The following NRG1 variants were observed in gnomAD, a reference collection of about 807,000 sequenced individuals.
NRG1 encodes the protein neuregulin 1.
In NRG1, 18 loss-of-function variants were observed where a neutral mutation model predicts 63.8. That is an observed-to-expected ratio of 0.28 (90% CI 0.19 to 0.42). The LOEUF (loss-of-function observed/expected upper bound fraction) is 0.42, where lower values mean the gene tolerates loss of function less well. Ranked by LOEUF, NRG1 falls within the 10% of genes least tolerant of loss-of-function variation. NRG1 has a pLI of 1.00. For synonymous variants in NRG1, 302 were observed against 301.3 expected, an observed-to-expected ratio of 1.00 and a Z score of -0.02; for missense variants, 762 against 814.7, an observed-to-expected ratio of 0.94 and a Z score of 0.79.
chr8:32,267,464 A>C (rs1344613410), intron 1 of NRG1, among the ~76,000 whole-genome samples: 1 of 152,198 alleles, frequency 6.6e-6, no homozygotes, highest in African/African-American at 2.4e-5. Context: ...AATACAAAGA[A>C]GAGAATAGTG....
intron 6 of NRG1, among the ~76,000 whole-genome samples, chr8:32,736,047 G>T (rs1824972136): frequency 6.6e-6 from 1 of 151,756 alleles, no homozygotes; most frequent in Non-Finnish European, 1.5e-5. Flanking sequence ...TCTGAACAGT[G>T]GTGGTGAGAT....
At chr8:32,493,328 C>A (rs1212755468) in intron 1 of NRG1, among the ~76,000 whole-genome samples, 1 of 152,138 alleles carries the variant, frequency 6.6e-6, no homozygotes, top group East Asian at 1.9e-4. Flanking sequence ...GCTTAACAGA[C>A]CACTCACTGG....
chr8:32,664,514 G>T (rs1299779778), intron 5 of NRG1, among the ~76,000 whole-genome samples: 1 of 152,026 alleles, frequency 6.6e-6, no homozygotes, highest in African/African-American at 2.4e-5. Context: ...TGCTGATAGC[G>T]AACATTTATT....
At chr8:32,299,162 A>C (rs948950504) in intron 1 of NRG1, among the ~76,000 whole-genome samples, 3 of 152,134 alleles carry the variant, frequency 2.0e-5, no homozygotes, top group African/African-American at 7.2e-5. Context: ...TTTCCTCTTC[A>C]TACAAACTAG....
intron 5 of NRG1, among the ~76,000 whole-genome samples, chr8:32,660,216 G>A (rs1161665770): frequency 6.6e-6 from 1 of 152,152 alleles, no homozygotes; most frequent in East Asian, 1.9e-4. Flanking sequence ...TGGATTTTCA[G>A]TTTGGAGATG....
At chr8:32,121,061 A>C (rs1250958881) in intron 1 of NRG1, among the ~76,000 whole-genome samples, 3 of 151,896 alleles carry the variant, frequency 2.0e-5, no homozygotes, top group Non-Finnish European at 4.4e-5. Flanking sequence ...GAAGGGATGC[A>C]GTGGTTATAA....
chr8:31,739,699 T>C (rs890089671), intron 1 of NRG1, among the ~76,000 whole-genome samples: 2 of 152,126 alleles, frequency 1.3e-5, no homozygotes, highest in Non-Finnish European at 2.9e-5. Flanking sequence ...GTTAATATTG[T>C]GTACTGCTTA....
At chr8:32,178,252 G>T (rs963891458) in intron 1 of NRG1, among the ~76,000 whole-genome samples, 1 of 152,092 alleles carries the variant, frequency 6.6e-6, no homozygotes, top group African/African-American at 2.4e-5. Context: ...TTCTATTTTA[G>T]GTTAAGGAAT....
At chr8:32,341,745 G>T (rs1363857226) in intron 1 of NRG1, among the ~76,000 whole-genome samples, 1 of 152,134 alleles carries the variant, frequency 6.6e-6, no homozygotes, top group Non-Finnish European at 1.5e-5. Context: ...AGCAGATAAA[G>T]CAAAGACAGA....
At chr8:32,495,938 T>C (rs1827154822) in intron 1 of NRG1, among the ~76,000 whole-genome samples, 1 of 152,236 alleles carries the variant, frequency 6.6e-6, no homozygotes. Flanking sequence ...AAATAAGATC[T>C]TCTTGGTGAA....
At chr8:31,957,448 T>TA (rs1804644394) in intron 1 of NRG1, among the ~76,000 whole-genome samples, 1 of 152,176 alleles carries the variant, frequency 6.6e-6, no homozygotes, top group African/African-American at 2.4e-5. Flanking sequence ...TAGTCTGTAA[T>TA]GACCATAAGC....
At chr8:31,847,663 C>T (rs1428181467) in intron 1 of NRG1, among the ~76,000 whole-genome samples, 1 of 152,192 alleles carries the variant, frequency 6.6e-6, no homozygotes, top group East Asian at 1.9e-4. Context: ...CAAAAGACCA[C>T]ATAAATGTTA....
intron 1 of NRG1, among the ~76,000 whole-genome samples, chr8:32,329,007 C>T (rs1362597569): frequency 2.0e-5 from 3 of 149,820 alleles, no homozygotes; most frequent in Non-Finnish European, 4.4e-5. Context: ...CTCACTCTGT[C>T]ACCCAGACTG....
At chr8:31,887,214 G>A (rs187718745) in intron 1 of NRG1, among the ~76,000 whole-genome samples, 7 of 152,042 alleles carry the variant, frequency 4.6e-5, no homozygotes, top group South Asian at 2.1e-4. Context: ...TGGTTTTCCC[G>A]TGATAGAGAC....
intron 1 of NRG1, among the ~76,000 whole-genome samples, chr8:31,781,864 T>G (rs902890540): frequency 6.6e-6 from 1 of 152,038 alleles, no homozygotes; most frequent in Non-Finnish European, 1.5e-5. Context: ...AATACTAAAC[T>G]GCTTTCTGAT....
intron 1 of NRG1, among the ~76,000 whole-genome samples, chr8:32,102,119 TA>T (rs1336723923): frequency 4.8e-4 from 73 of 152,302 alleles, no homozygotes; most frequent in African/African-American, 1.6e-3. Flanking sequence ...AATACACTTT[TA>T]ACAATACAAA....
At chr8:31,901,210 T>G (rs769587930) in intron 1 of NRG1, among the ~76,000 whole-genome samples, 2 of 152,198 alleles carry the variant, frequency 1.3e-5, no homozygotes, top group African/African-American at 4.8e-5. Flanking sequence ...GAGTTCACTA[T>G]GTGGTGATAT....
chr8:32,218,399 G>T (rs1479729451), intron 1 of NRG1, among the ~76,000 whole-genome samples: 2 of 152,120 alleles, frequency 1.3e-5, no homozygotes, highest in East Asian at 3.9e-4. Flanking sequence ...CTCCTACCAC[G>T]TGGCATCACG....
At chr8:32,149,881 A>G (rs1837308325) in intron 1 of NRG1, among the ~76,000 whole-genome samples, 1 of 152,234 alleles carries the variant, frequency 6.6e-6, no homozygotes, top group Non-Finnish European at 1.5e-5. Flanking sequence ...CTTTAGAAAC[A>G]TAAAATTCAA....
Sources: gnomAD v4.1 joint callset for allele counts (sites outside exome capture counted in the v4.1 genomes callset) on GRCh38, gnomAD v4.1.1 for gene constraint, MANE v1.5 for transcripts, NCBI Gene and HGNC (gene_info 2026-07-23, HGNC 2026-07-21) for gene names.